COX7C: variants seen among roughly 807,000 people sequenced by gnomAD.
The protein encoded by COX7C is cytochrome c oxidase subunit 7C.
In COX7C, 1 loss-of-function variant was observed where a neutral mutation model predicts 6.4. That is an observed-to-expected ratio of 0.16 (90% CI 0.06 to 0.74). The LOEUF is 0.74. COX7C is among the 30% of genes least tolerant of loss of function. The pLI is 0.78. For synonymous variants in COX7C, 24 were observed against 28.9 expected, an observed-to-expected ratio of 0.83 and a Z score of 0.54; for missense variants, 54 against 73.7, an observed-to-expected ratio of 0.73 and a Z score of 0.98.
chr5:86,617,952 T>C lies in COX7C; in HGVS notation c.-104T>C, dbSNP rs1481058759. ...CATTTCCCATCTTTCTTTTCAGTCC[T>C]TGCGCACCGGGGAACAAGGTCGTGA... On this transcript the variant is annotated 5_prime_UTR_variant, in exon 1 of 3. Transcript: ENST00000247655. The C allele has an allele frequency of 3.8e-6, 4 of 1,056,726 alleles. No individual in the cohort carries two copies. In the African/African-American group the frequency reaches 4.7e-5, roughly 12 times the overall value. 65.5% of individuals were successfully genotyped at this position (1,056,726 alleles called of 1,614,324 possible).
intron 2 of COX7C, 164 bp from the exon 3 acceptor site, chr5:86,620,504 C>T (rs768644623): frequency 1.6e-4 from 40 of 257,838 alleles, no homozygotes; most frequent in Middle Eastern, 9.5e-4. Context: ...GGAAAGGTTG[C>T]GGTGCATGTG....
intron 1 of COX7C, chr5:86,618,343 G>C (rs1750041865): frequency 3.7e-6 from 2 of 538,282 alleles, no homozygotes; most frequent in Non-Finnish European, 6.7e-6. Flanking sequence ...AGATCCGGAA[G>C]CCCTGCCTCC....
At chr5:86,619,319 A>G (rs1403647180) in intron 1 of COX7C, 34 bp from the exon 2 acceptor site, 1 of 1,288,014 alleles carries the variant, frequency 7.8e-7, no homozygotes, top group Non-Finnish European at 1.1e-6. Flanking sequence ...TTTGAGATTC[A>G]ATTTCGATTA....
chr5:86,618,037 CAG>C lies in COX7C; in HGVS notation c.-16_-15del. The C allele has an allele frequency of 6.2e-7, 1 of 1,613,080 alleles. No homozygotes were observed. The highest frequency in any genetic ancestry group is 8.5e-7 in the Non-Finnish European group (1 of 1,179,852). On this transcript the variant is annotated 5_prime_UTR_variant, in exon 1 of 3. Coordinates refer to ENST00000247655, the MANE Select transcript of COX7C (RefSeq NM_001867.3). ...CTGTCCTCATTCTCTGCGCCTTTCG[CAG>C]AGCTTCCAGCAGCGGTATGTTGGGC...
intron 1 of COX7C, among the ~76,000 whole-genome samples, chr5:86,619,106 T>G (rs1750064956): frequency 6.6e-6 from 1 of 152,224 alleles, no homozygotes; most frequent in South Asian, 2.1e-4. Flanking sequence ...CTATTTGACG[T>G]TTGAGTCCTC....
At position 86,618,400 on chromosome 5, in the gene COX7C, A is replaced by T. The variant is rs1392400459; in HGVS notation, c.75+270A>T. On this transcript the variant is annotated intron_variant, in intron 1 of 2. Transcript: ENST00000247655. Reference sequence around the variant, plus strand: ...CCCCCGCCCCGCAGAAAGCCCTGAGATGGCTCCGGGAGGCCACGGCTGTAG... The same window carrying T: ...CCCCCGCCCCGCAGAAAGCCCTGAGTTGGCTCCGGGAGGCCACGGCTGTAG... 3.7e-5 allele frequency: 17 copies of T among 459,626 alleles called. No homozygotes were observed. In the East Asian group the frequency reaches 7.2e-4, roughly 19 times the overall value. The allele number at this position is 459,626 out of a possible 1,614,324, so 28.5% of individuals were successfully genotyped here.
In COX7C at chr5:86,620,810, C is replaced by T. The variant is rs778238764; in HGVS notation, c.*170C>T. On this transcript the variant is annotated 3_prime_UTR_variant, in exon 3 of 3. Coordinates refer to ENST00000247655, the MANE Select transcript of COX7C (RefSeq NM_001867.3). Reference sequence around the variant, plus strand: ...TGAAATAGGGAATGTAATAATTGGCCATTTGCCTACTTTATTATTTGGGTA... The same window carrying T: ...TGAAATAGGGAATGTAATAATTGGCTATTTGCCTACTTTATTATTTGGGTA... 3.3e-5 allele frequency: 8 copies of T among 239,458 alleles called. No homozygotes were observed. Among genetic ancestry groups the T allele is most frequent in the Admixed American group, 1.7e-4 (4 of 23,558 alleles). 14.8% of individuals were successfully genotyped at this position (239,458 alleles called of 1,614,324 possible).
chr5:86,618,418 GGCTGTAGGTGTGTTGGTTAAATCCGA>G (rs1173982599), intron 1 of COX7C: 128 of 412,000 alleles, frequency 3.1e-4, no homozygotes, highest in Admixed American at 1.4e-3. Context: ...GGGAGGCCAC[GGCTGTAGGTGTGTTGGTTAAATCCGA>G]GCTGGAGGTC....
In COX7C at chr5:86,618,003, C is replaced by G; in HGVS notation, c.-53C>G. On this transcript the variant is annotated 5_prime_UTR_variant, in exon 1 of 3. Transcript: ENST00000247655. ...AAAAAAAGGTCTTGGTGAGGTGCCG[C>G]CATTTCATCTGTCCTCATTCTCTGC... 1 of 1,570,868 alleles carries G rather than the reference C, an allele frequency of 6.4e-7. No individual in the cohort carries two copies. Among genetic ancestry groups the G allele is most frequent in the East Asian group, 2.2e-5 (1 of 44,652 alleles).
At chr5:86,620,566 G>A in intron 2 of COX7C, 102 bp from the exon 3 acceptor site, 1 of 365,622 alleles carries the variant, frequency 2.7e-6, no homozygotes, top group Non-Finnish European at 5.9e-6. Flanking sequence ...GCTTTCTGAT[G>A]TACTACTCAA....
chr5:86,620,005 T>C (rs16902283), intron 2 of COX7C: 7,152 of 152,914 alleles, frequency 0.047, 526 homozygotes, highest in African/African-American at 0.16. Context: ...ACTGTGCTCC[T>C]AGTTTTTAAA....
Position 86,617,950 on chromosome 5 carries a change from C to A in COX7C, c.-106C>A. 1 of 1,022,458 alleles carries A rather than the reference C, an allele frequency of 9.8e-7. No homozygotes were observed. Among genetic ancestry groups the A allele is most frequent in the Non-Finnish European group, 1.5e-6 (1 of 668,190 alleles). 63.3% of individuals were successfully genotyped at this position (1,022,458 alleles called of 1,614,324 possible). Reference sequence around the variant, plus strand: ...CCCATTTCCCATCTTTCTTTTCAGTCCTTGCGCACCGGGGAACAAGGTCGT... The same window carrying A: ...CCCATTTCCCATCTTTCTTTTCAGTACTTGCGCACCGGGGAACAAGGTCGT... On this transcript the variant is annotated 5_prime_UTR_variant, in exon 1 of 3. Coordinates refer to ENST00000247655, the MANE Select transcript of COX7C (RefSeq NM_001867.3).
At chr5:86,619,324 C>T (rs747542566) in intron 1 of COX7C, 29 bp from the exon 2 acceptor site, 12 of 1,329,678 alleles carry the variant, frequency 9.0e-6, no homozygotes, top group South Asian at 4.7e-5. Flanking sequence ...GATTCAATTT[C>T]GATTACTTTT....
At chr5:86,618,164 AG>A (rs1196167736) in intron 1 of COX7C, 34 bp downstream of exon 1, 1 of 1,604,692 alleles carries the variant, frequency 6.2e-7, no homozygotes, top group African/African-American at 1.3e-5. Flanking sequence ...TCGTTGGGGG[AG>A]GGGGCGCTTG....
chr5:86,618,467 A>T lies in COX7C; in HGVS notation c.75+337A>T, dbSNP rs140020395. ...CGAGCTGGAGGTCATCGGACCCGAA[A>T]TGAAGGTCATTGGAAAATCATGAGG... On this transcript the variant is annotated intron_variant, in intron 1 of 2. Transcript: ENST00000247655. The T allele has an allele frequency of 2.3e-3, 664 of 286,930 alleles. 3 individuals carry two copies. Among genetic ancestry groups the T allele is most frequent in the African/African-American group, 0.014 (629 of 45,602 alleles). The allele number at this position is 286,930 out of a possible 1,614,324, so 17.8% of individuals were successfully genotyped here. A position where few individuals can be genotyped will look rare whatever the true frequency, so the allele number is the denominator to read the frequency against.
At chr5:86,618,913 TG>T (rs1380199464) in intron 1 of COX7C, among the ~76,000 whole-genome samples, 2 of 135,458 alleles carry the variant, frequency 1.5e-5, no homozygotes, top group African/African-American at 5.7e-5. Context: ...ACCCGGGAGG[TG>T]GAGGTTGCAG....
chr5:86,618,306 G>C (rs372255902), intron 1 of COX7C, 176 bp downstream of exon 1: 15 of 621,596 alleles, frequency 2.4e-5, no homozygotes, highest in Middle Eastern at 2.8e-4. Flanking sequence ...GCATCCTAGC[G>C]CGTAGCCGCT....
chr5:86,619,427 T>C lies in COX7C; in HGVS notation c.150T>C (p.Ala50=). ...GTTTGTACTTTGGATCTGCATTTGCTACACCCTTCCTTGTAGTAAGACACC... is the reference window on the plus strand; with the variant it reads ...GTTTGTACTTTGGATCTGCATTTGCCACACCCTTCCTTGTAGTAAGACACC... ...KMCLYFGSAF[A]TPFLVVRHQL... The change falls in exon 2 of 3, where the codon GCT becomes GCC. Residue 50 remains alanine, a synonymous_variant. Coordinates refer to ENST00000247655, the MANE Select transcript of COX7C (RefSeq NM_001867.3). The C allele has an allele frequency of 6.2e-7, 1 of 1,613,774 alleles. No individual in the cohort carries two copies. The highest frequency in any genetic ancestry group is 1.1e-5 in the South Asian group (1 of 91,076).
intron 1 of COX7C, 48 bp downstream of exon 1, chr5:86,618,178 T>A (rs1363858122): frequency 6.3e-7 from 1 of 1,576,824 alleles, no homozygotes. Context: ...GGCGCTTGGC[T>A]GTGACTCGCG....
Sources: allele counts gnomAD v4.1 joint callset (sites outside exome capture counted in the v4.1 genomes callset), GRCh38; gene constraint gnomAD v4.1.1; transcripts MANE v1.5; gene names NCBI Gene and HGNC (gene_info 2026-07-23, HGNC 2026-07-21).